Variants in DTHD1 observed in about 807,000 individuals in gnomAD.
DTHD1 encodes death domain-containing protein 1.
Under a neutral mutation model 74.8 loss-of-function variants are expected in DTHD1, and 59 were observed. That is an observed-to-expected ratio of 0.79 (90% CI 0.64 to 0.98). The LOEUF is 0.98. Among genes scored for constraint, DTHD1 ranks in the 50% least tolerant of loss-of-function variants. The pLI is 0.00. For missense variants in DTHD1, 1,051 were observed against 1,065.4 expected, an observed-to-expected ratio of 0.99 and a Z score of 0.19; for synonymous variants, 365 against 371.1, an observed-to-expected ratio of 0.98 and a Z score of 0.19.
rs1225555418 is a variant in DTHD1 at position 36,295,027 on chromosome 4, C to T, written c.1631C>T (p.Ser544Leu). The change falls in exon 5 of 10, where the codon TCG becomes TTG. Residue 544 changes from serine (S) to leucine (L), a missense_variant. Ser to Leu is a moderately radical substitution (Grantham distance 145). Coordinates refer to ENST00000639862, the MANE Select transcript of DTHD1 (RefSeq NM_001170700.3). ...ASATINRITP[S>L]YFNRTKIASI... ...GCCACAATAAATAGGATTACACCTT[C>T]GTATTTCAACCGGTGAGTAAGTTTC... 29 of 1,533,228 alleles carry T rather than the reference C, an allele frequency of 1.9e-5. No homozygotes were observed. The highest frequency in any genetic ancestry group is 2.4e-5 in the Non-Finnish European group (27 of 1,134,576). The allele number at this position is 1,533,228 out of a possible 1,614,324, so 95.0% of individuals were successfully genotyped here.
intron 8 of DTHD1, among the ~76,000 whole-genome samples, chr4:36,337,351 C>A (rs1050192230): frequency 6.6e-6 from 1 of 152,094 alleles, no homozygotes; most frequent in Non-Finnish European, 1.5e-5. Context: ...ATTGCAATTT[C>A]ATGTGCATGA....
chr4:36,301,795 TC>T (rs201299447), intron 5 of DTHD1, among the ~76,000 whole-genome samples: 271 of 86,162 alleles, frequency 3.1e-3, no homozygotes, highest in Middle Eastern at 0.013. Flanking sequence ...AAGTCATCAC[TC>T]CCTTTTTTTT....
chr4:36,342,654 C>T (rs978667953), intron 9 of DTHD1, among the ~76,000 whole-genome samples: 14 of 151,466 alleles, frequency 9.2e-5, no homozygotes, highest in African/African-American at 3.4e-4. Flanking sequence ...TGTATGTCTG[C>T]GTGTGTGTGT....
At position 36,343,483 on chromosome 4, in the gene DTHD1, T is replaced by G. The variant is rs1000190718; in HGVS notation, c.2399-19T>G. The G allele has an allele frequency of 1.9e-6, 3 of 1,546,312 alleles. No individual in the cohort carries two copies. The African/African-American group carries it at 4.1e-5, about 21-fold the overall frequency. ...CAGGAGAGGGTCCTAACCGTGAGTG[T>G]TCCTCCTGTGCCTGACAGAAGCCCT... On this transcript the variant is annotated intron_variant, in intron 9 of 9. Coordinates refer to ENST00000639862, the MANE Select transcript of DTHD1 (RefSeq NM_001170700.3).
chr4:36,295,132 T>A, intron 5 of DTHD1, 93 bp downstream of exon 5: 1 of 1,282,104 alleles, frequency 7.8e-7, no homozygotes, highest in Non-Finnish European at 1.0e-6. Context: ...GTATTTAAAT[T>A]CTGTATTAAA....
intron 8 of DTHD1, among the ~76,000 whole-genome samples, chr4:36,334,974 A>T (rs1003688466): frequency 6.6e-6 from 1 of 152,226 alleles, no homozygotes; most frequent in African/African-American, 2.4e-5. Flanking sequence ...ATAAAAGAAG[A>T]TGCAGAAGAG....
intron 5 of DTHD1, among the ~76,000 whole-genome samples, chr4:36,303,684 A>G (rs1288849468): frequency 6.6e-6 from 1 of 152,196 alleles, no homozygotes; most frequent in Non-Finnish European, 1.5e-5. Flanking sequence ...CAAATCCATC[A>G]CTGAATGGAT....
chr4:36,337,999 G>GT (rs1759106074), intron 8 of DTHD1, among the ~76,000 whole-genome samples: 1 of 152,184 alleles, frequency 6.6e-6, no homozygotes, highest in Non-Finnish European at 1.5e-5. Flanking sequence ...AAATCAGGAA[G>GT]TTGACATTGA....
At position 36,345,560 on chromosome 4, in the gene DTHD1, A is replaced by G. The variant is rs2109593487; in HGVS notation, c.*1736A>G. ...GATTTAGATATCTATTCAGGTATAT[A>G]TCAAAAAAGGCGATTCCCATTTTCA... On this transcript the variant is annotated 3_prime_UTR_variant, in exon 10 of 10. Transcript: ENST00000639862. 1 of 152,322 alleles carries G rather than the reference A, an allele frequency of 6.6e-6. No homozygotes were observed. The highest frequency in any genetic ancestry group is 1.5e-5 in the Non-Finnish European group (1 of 68,018). The allele number at this position is 152,322 out of a possible 1,614,324, so 9.4% of individuals were successfully genotyped here. A position where few individuals can be genotyped will look rare whatever the true frequency, so the allele number is the denominator to read the frequency against.
chr4:36,318,613 T>TC (rs35004774), intron 8 of DTHD1, among the ~76,000 whole-genome samples: 8 of 17,624 alleles, frequency 4.5e-4, no homozygotes, highest in Non-Finnish European at 8.0e-4. Flanking sequence ...TTTTCTTTTC[T>TC]TTTTTTTTTT....
At chr4:36,282,151 A>G (rs1164506941) in intron 1 of DTHD1, 122 bp downstream of exon 1, 7 of 793,600 alleles carry the variant, frequency 8.8e-6, no homozygotes, top group Non-Finnish European at 1.2e-5. Flanking sequence ...AGAGACTAAC[A>G]ATTTCAAAGG....
chr4:36,314,295 G>A (rs1757569401), intron 7 of DTHD1, among the ~76,000 whole-genome samples: 2 of 152,042 alleles, frequency 1.3e-5, no homozygotes, highest in African/African-American at 4.8e-5. Flanking sequence ...GGGCAAAATG[G>A]AAAGTTTTCC....
rs76805116 is a variant in DTHD1 at position 36,321,178 on chromosome 4, C to T, written c.2340+4692C>T. Reference sequence around the variant, plus strand: ...CCTGGTATGTAGGGTCTCATTTTTCCCTTTCTTCTTTATAGCATGTTTTCA... The same window carrying T: ...CCTGGTATGTAGGGTCTCATTTTTCTCTTTCTTCTTTATAGCATGTTTTCA... On this transcript the variant is annotated intron_variant, in intron 8 of 9. Coordinates refer to ENST00000639862, the MANE Select transcript of DTHD1 (RefSeq NM_001170700.3). Among the ~76,000 whole-genome samples, 1,345 of 152,178 alleles carry T rather than the reference C, an allele frequency of 8.8e-3. 10 individuals carry two copies. Among genetic ancestry groups the T allele is most frequent in the African/African-American group, 0.03 (1,235 of 41,514 alleles).
At chr4:36,321,301 T>C (rs1758024891) in intron 8 of DTHD1, among the ~76,000 whole-genome samples, 1 of 152,216 alleles carries the variant, frequency 6.6e-6, no homozygotes, top group Admixed American at 6.5e-5. Context: ...GAGGTGAACG[T>C]TGGGCAAGTG....
chr4:36,318,813 A>G (rs1395301394), intron 8 of DTHD1, among the ~76,000 whole-genome samples: 1 of 151,828 alleles, frequency 6.6e-6, no homozygotes, highest in African/African-American at 2.4e-5. Flanking sequence ...ACGGGGTTTC[A>G]CCGTGTTAGC....
chr4:36,327,906 T>A (rs925590779), intron 8 of DTHD1, among the ~76,000 whole-genome samples: 16 of 152,216 alleles, frequency 1.1e-4, no homozygotes, highest in African/African-American at 3.9e-4. Flanking sequence ...TTCATCCATC[T>A]GGTTACCAGG....
intron 5 of DTHD1, among the ~76,000 whole-genome samples, chr4:36,297,210 AC>A (rs1017480608): frequency 1.3e-5 from 2 of 152,172 alleles, no homozygotes; most frequent in Non-Finnish European, 2.9e-5. Flanking sequence ...AAATCTGTGC[AC>A]AAGCACACCT....
chr4:36,340,833 G>A (rs1347263926), intron 9 of DTHD1, among the ~76,000 whole-genome samples: 7 of 152,128 alleles, frequency 4.6e-5, no homozygotes, highest in Non-Finnish European at 1.0e-4. Context: ...AAATAGAAGA[G>A]GCCTGAGATG....
rs546153480 is a variant in DTHD1 at position 36,303,013 on chromosome 4, T to C, written c.1644-3178T>C. Among the ~76,000 whole-genome samples the C allele has an allele frequency of 2.0e-5, 3 of 152,356 alleles. No individual in the cohort carries two copies. In the South Asian group the frequency reaches 6.2e-4, roughly 32 times the overall value. Reference sequence around the variant, plus strand: ...AATTCTGTATCATATATTATTTTTTTCCACAGATAAACTAGCATGACATTT... The same window carrying C: ...AATTCTGTATCATATATTATTTTTTCCCACAGATAAACTAGCATGACATTT... On this transcript the variant is annotated intron_variant, in intron 5 of 9. Coordinates refer to ENST00000639862, the MANE Select transcript of DTHD1 (RefSeq NM_001170700.3).
Sources: gnomAD v4.1 joint callset for allele counts (sites outside exome capture counted in the v4.1 genomes callset) on GRCh38, gnomAD v4.1.1 for gene constraint, MANE v1.5 for transcripts, NCBI Gene and HGNC (gene_info 2026-07-23, HGNC 2026-07-21) for gene names.